The following NRXN2 variants were observed in gnomAD, a reference collection of about 807,000 sequenced individuals.
The protein encoded by NRXN2 is neurexin-2-beta.
NRXN2 carries 29 observed loss-of-function variants against 128.8 expected under a neutral mutation model. The observed-to-expected ratio is 0.23, with a 90% CI of 0.17 to 0.31. The LOEUF is 0.31. Among genes scored for constraint, NRXN2 ranks in the 10% least tolerant of loss-of-function variants. The probability of loss-of-function intolerance (pLI) is 1.00; values close to 1 mark genes in which losing one functional copy is unlikely to be tolerated. For missense variants in NRXN2, 1,881 were observed against 2,452.6 expected, an observed-to-expected ratio of 0.77 and a Z score of 4.92; for synonymous variants, 1,098 against 1,075.2, an observed-to-expected ratio of 1.02 and a Z score of -0.41.
intron 22 of NRXN2, among the ~76,000 whole-genome samples, chr11:64,617,178 G>C (rs1023512228): frequency 6.7e-6 from 1 of 149,762 alleles, no homozygotes; most frequent in Non-Finnish European, 1.5e-5. Context: ...GTGTGTGTAT[G>C]TGTGTGTGTG....
In NRXN2 at chr11:64,607,625, C is replaced by A; in HGVS notation, c.4710G>T (p.Pro1570=). The change falls in exon 23 of 23, where the codon CCG becomes CCT. Residue 1570 remains proline (P), a synonymous_variant. Transcript: ENST00000265459. ...LPAGKMNHRD[P]LQPLLENPPL... is the part of the protein sequence containing the mutation. Reference sequence around the variant, plus strand: ...GCGGGTTCTCCAGCAAGGGCTGAAGCGGGTCTCGGTGGTTCATTTTGCCCG... The same window carrying A: ...GCGGGTTCTCCAGCAAGGGCTGAAGAGGGTCTCGGTGGTTCATTTTGCCCG... 1.3e-6 allele frequency: 2 copies of A among 1,535,052 alleles called. No individual in the cohort carries two copies. Among genetic ancestry groups the A allele is most frequent in the Non-Finnish European group, 1.8e-6 (2 of 1,142,740 alleles).
intron 14 of NRXN2, among the ~76,000 whole-genome samples, chr11:64,650,970 G>C (rs146754771): frequency 2.0e-5 from 3 of 152,300 alleles, no homozygotes; most frequent in Non-Finnish European, 4.4e-5. Flanking sequence ...TAAGGCAACG[G>C]AGGGGCAAGA....
intron 7 of NRXN2, among the ~76,000 whole-genome samples, chr11:64,672,331 T>G (rs1207569152): frequency 4.6e-5 from 7 of 152,142 alleles, no homozygotes. Flanking sequence ...TCCACATTGG[T>G]GGGCACTCCA....
At chr11:64,669,647 C>T (rs1000983661) in intron 7 of NRXN2, among the ~76,000 whole-genome samples, 26 of 152,216 alleles carry the variant, frequency 1.7e-4, no homozygotes, top group Non-Finnish European at 3.1e-4. Context: ...TCCAACTCTC[C>T]CAGTCTCCCC....
chr11:64,654,006 CTAG>C (rs965598698), intron 11 of NRXN2, among the ~76,000 whole-genome samples: 1 of 152,130 alleles, frequency 6.6e-6, no homozygotes, highest in African/African-American at 2.4e-5. Flanking sequence ...TACCAGGCCT[CTAG>C]TGTCTGAGGG....
chr11:64,697,844 A>G (rs1303539662), intron 2 of NRXN2, 52 bp from the exon 3 acceptor site: 1 of 1,608,996 alleles, frequency 6.2e-7, no homozygotes, highest in Non-Finnish European at 8.5e-7. Flanking sequence ...AAGAAAAAGG[A>G]GGGCTGTTAG....
Position 64,651,137 on chromosome 11 carries a change from T to A in NRXN2, c.2918+118A>T. Reference sequence around the variant, plus strand: ...CTCGACTTACGGTCGGGGACCTGAATCTTGACTTGTGATCTGGGGGGATTG... The same window carrying A: ...CTCGACTTACGGTCGGGGACCTGAAACTTGACTTGTGATCTGGGGGGATTG... On this transcript the variant is annotated intron_variant, in intron 14 of 22. Coordinates refer to ENST00000265459, the MANE Select transcript of NRXN2 (RefSeq NM_015080.4). This position sits in a 1 kb window ranked among gnomAD's most constrained non-coding sequence, Gnocchi z 5.9. 1 of 1,418,838 alleles carries A rather than the reference T, an allele frequency of 7.0e-7. No individual in the cohort carries two copies. The highest frequency in any genetic ancestry group is 2.4e-4 in the Middle Eastern group (1 of 4,120). 87.9% of individuals were successfully genotyped at this position (1,418,838 alleles called of 1,614,324 possible).
Position 64,660,559 on chromosome 11 carries a change from G to A in NRXN2, c.2186-24C>T. ...CTCTGCCCACAGGAGTTGGGGAAGA[G>A]GGAAGGAGAAGACAGGCAGAGGCCA... is the stretch of plus-strand genomic sequence containing the variant. On this transcript the variant is annotated intron_variant, in intron 10 of 22. Coordinates refer to ENST00000265459, the MANE Select transcript of NRXN2 (RefSeq NM_015080.4). The surrounding 1 kb of genome is among the most constrained non-coding windows in gnomAD (Gnocchi z 5.2). 1 of 1,612,658 alleles carries A rather than the reference G, an allele frequency of 6.2e-7. No individual in the cohort carries two copies. The highest frequency in any genetic ancestry group is 2.2e-5 in the East Asian group (1 of 44,874).
rs2050165055 is a variant in NRXN2, at chr11:64,668,294, G to A, written c.1359+149C>T. On this transcript the variant is annotated intron_variant, in intron 8 of 22. Transcript: ENST00000265459. ...AGAAGCCTCTTGATGGAGTCAGTGG[G>A]CCTTAGGTTTTAAAGAGGGGGTGTC... The A allele has an allele frequency of 1.1e-5, 11 of 963,482 alleles. No homozygotes were observed. In the South Asian group the frequency reaches 1.1e-4, roughly 10 times the overall value. The allele number at this position is 963,482 out of a possible 1,614,324, so 59.7% of individuals were successfully genotyped here. A position where few individuals can be genotyped will look rare whatever the true frequency, so the allele number is the denominator to read the frequency against.
chr11:64,611,126 T>C (rs2040568869), intron 22 of NRXN2, among the ~76,000 whole-genome samples: 2 of 152,324 alleles, frequency 1.3e-5, no homozygotes, highest in South Asian at 2.1e-4. Context: ...TGGCACAGAA[T>C]TGGGGCTCGT....
chr11:64,622,654 T>C lies in NRXN2; in HGVS notation c.4173+99A>G, dbSNP rs1460878715. The C allele has an allele frequency of 2.0e-6, 3 of 1,501,414 alleles. No homozygotes were observed. Among genetic ancestry groups the C allele is most frequent in the African/African-American group, 1.4e-5 (1 of 73,164 alleles). The allele number at this position is 1,501,414 out of a possible 1,614,324, so 93.0% of individuals were successfully genotyped here. ...AGCCTTCAGGATCCCAACAGACCCCTTGGACCCTCACTCTAGGCACCACTA... is the reference window on the plus strand; with the variant it reads ...AGCCTTCAGGATCCCAACAGACCCCCTGGACCCTCACTCTAGGCACCACTA... On this transcript the variant is annotated intron_variant, in intron 21 of 22. Coordinates refer to ENST00000265459, the MANE Select transcript of NRXN2 (RefSeq NM_015080.4). This position sits in a 1 kb window ranked among gnomAD's most constrained non-coding sequence, Gnocchi z 4.3.
intron 11 of NRXN2, among the ~76,000 whole-genome samples, chr11:64,657,737 G>A (rs540311000): frequency 6.6e-6 from 1 of 152,174 alleles, no homozygotes; most frequent in Non-Finnish European, 1.5e-5. Flanking sequence ...GCTGGGTAGG[G>A]GCCACCTGCG....
Position 64,644,080 on chromosome 11 carries a change from G to A in NRXN2, c.3403+4139C>T, listed in dbSNP as rs556497726. Among the ~76,000 whole-genome samples the A allele has an allele frequency of 2.0e-3, 300 of 152,094 alleles. 1 individual carries two copies. The highest frequency in any genetic ancestry group is 3.7e-3 in the Admixed American group (56 of 15,286). On this transcript the variant is annotated intron_variant, in intron 17 of 22. Coordinates refer to ENST00000265459, the MANE Select transcript of NRXN2 (RefSeq NM_015080.4). ...ACATACATGCATGCATGTGCTCACA[G>A]ACACTGGCACACCAACTTACTCTCA...
intron 4 of NRXN2, among the ~76,000 whole-genome samples, chr11:64,691,939 C>G (rs765717833): frequency 1.3e-5 from 2 of 152,182 alleles, no homozygotes; most frequent in Non-Finnish European, 2.9e-5. Flanking sequence ...TTGGGCAGGT[C>G]CAACAGTGCC....
Position 64,713,285 on chromosome 11 carries a change from A to G in NRXN2, c.415T>C (p.Ser139Pro). 1 of 1,393,396 alleles carries G rather than the reference A, an allele frequency of 7.2e-7. No homozygotes were observed. Among genetic ancestry groups the G allele is most frequent in the Non-Finnish European group, 9.3e-7 (1 of 1,076,482 alleles). The allele number at this position is 1,393,396 out of a possible 1,614,324, so 86.3% of individuals were successfully genotyped here. A position where few individuals can be genotyped will look rare whatever the true frequency, so the allele number is the denominator to read the frequency against. Reference sequence around the variant, plus strand: ...GCCACCTGCATCTCGCGCCGCTTGGAGCGCACCTCGGCGGCGCGGGCCTCG... The same window carrying G: ...GCCACCTGCATCTCGCGCCGCTTGGGGCGCACCTCGGCGGCGCGGGCCTCG... ...DGEARAAEVR[S>P]KRREMQVASD... The change falls in exon 2 of 23, where the codon TCC becomes CCC. Residue 139 changes from serine (S) to proline (P), a missense_variant. By Grantham distance (74) the Ser-to-Pro change is moderately conservative. Transcript: ENST00000265459.
rs2045984696 is a variant in NRXN2, at chr11:64,643,038, CG to C, written c.3403+5180del. The C allele has an allele frequency of 8.0e-6, 8 of 999,208 alleles. 1 individual carries two copies. In the South Asian group the frequency reaches 2.3e-4, roughly 29 times the overall value. 61.9% of individuals were successfully genotyped at this position (999,208 alleles called of 1,614,324 possible). A position where few individuals can be genotyped will look rare whatever the true frequency, so the allele number is the denominator to read the frequency against. On this transcript the variant is annotated intron_variant, in intron 17 of 22. Coordinates refer to ENST00000265459, the MANE Select transcript of NRXN2 (RefSeq NM_015080.4). ...AGGTCCAGGATGCCTGGGTCCATCG[CG>C]AGGAGCTAGGGGTCTCTCTGCATCC...
rs769294338 is a variant in NRXN2, at chr11:64,607,400, C to G, written c.4935G>C (p.Ala1645=). The G allele has an allele frequency of 2.5e-6, 4 of 1,612,976 alleles. No individual in the cohort carries two copies. The highest frequency in any genetic ancestry group is 3.4e-6 in the Non-Finnish European group (4 of 1,179,906). The part of the protein sequence containing the change: ...TTGMVVGIVA[A]AALCILILLY... ...GGAGGATGAGGATGCAGAGCGCCGC[C>G]GCCGCCACAATGCCCACCACCATGC... is the stretch of plus-strand genomic sequence containing the variant. The change falls in exon 23 of 23, where the codon GCG becomes GCC. Residue 1645 remains alanine, a synonymous_variant. Transcript: ENST00000265459.
chr11:64,674,266 C>G (rs1178845477), intron 7 of NRXN2, among the ~76,000 whole-genome samples: 1 of 152,154 alleles, frequency 6.6e-6, no homozygotes, highest in South Asian at 2.1e-4. Context: ...TCTCAGCTCA[C>G]TGCAACCTCC....
Position 64,668,581 on chromosome 11 carries a change from G to A in NRXN2, c.1221C>T (p.Ile407=). 6.2e-7 allele frequency: 1 copy of A among 1,610,542 alleles called. No individual in the cohort carries two copies. The highest frequency in any genetic ancestry group is 8.5e-7 in the Non-Finnish European group (1 of 1,178,816). The change falls in exon 8 of 23, where the codon ATC becomes ATT. Residue 407 remains isoleucine, a synonymous_variant. Coordinates refer to ENST00000265459, the MANE Select transcript of NRXN2 (RefSeq NM_015080.4). Reference sequence around the variant, plus strand: ...CCTGCGTGTAGCCTGTGGTGGTCAGGATCCCGTCCACCGAGATGGTCACCT... The same window carrying A: ...CCTGCGTGTAGCCTGTGGTGGTCAGAATCCCGTCCACCGAGATGGTCACCT... ...HYLVTISVDG[I]LTTTGYTQED... is the part of the protein sequence containing the mutation.
Sources: gnomAD v4.1 joint callset for allele counts (sites outside exome capture counted in the v4.1 genomes callset) on GRCh38, gnomAD v4.1.1 for gene constraint, Gnocchi (gnomAD v3.1) non-coding constraint, MANE v1.5 for transcripts, NCBI Gene and HGNC (gene_info 2026-07-23, HGNC 2026-07-21) for gene names.